Variants in GALNTL6 observed in about 807,000 individuals in gnomAD.
GALNTL6 encodes the protein polypeptide N-acetylgalactosaminyltransferase like 6.
A neutral mutation model predicts 73.7 loss-of-function variants in GALNTL6; 46 were observed. The ratio of observed to expected loss-of-function variants is 0.62; its 90% CI spans 0.49 to 0.80. The LOEUF (loss-of-function observed/expected upper bound fraction) is 0.80, where lower values mean the gene tolerates loss of function less well. Among genes scored for constraint, GALNTL6 ranks in the 30% least tolerant of loss-of-function variants. The pLI is 0.00. For missense variants in GALNTL6, 604 were observed against 755.0 expected, an observed-to-expected ratio of 0.80 and a Z score of 2.34; for synonymous variants, 259 against 263.7, an observed-to-expected ratio of 0.98 and a Z score of 0.17.
intron 5 of GALNTL6, among the ~76,000 whole-genome samples, chr4:172,708,285 T>C (rs1734487362): frequency 6.6e-6 from 1 of 152,194 alleles, no homozygotes; most frequent in South Asian, 2.1e-4. Context: ...CTCAAACCCC[T>C]GACCTCAAGT....
chr4:172,853,891 A>T (rs1248441169), intron 7 of GALNTL6, among the ~76,000 whole-genome samples: 1 of 152,148 alleles, frequency 6.6e-6, no homozygotes. Context: ...AGGAGAGAAG[A>T]TTCAATGACC....
chr4:172,904,271 C>T (rs368725882), intron 8 of GALNTL6, among the ~76,000 whole-genome samples: 6 of 152,246 alleles, frequency 3.9e-5, no homozygotes, highest in African/African-American at 1.4e-4. Flanking sequence ...GTAACATGGA[C>T]ATCATTCAAT....
intron 2 of GALNTL6, among the ~76,000 whole-genome samples, chr4:171,886,059 T>C (rs1050851745): frequency 2.6e-5 from 4 of 152,050 alleles, no homozygotes; most frequent in African/African-American, 9.7e-5. Flanking sequence ...CCATCTCTTT[T>C]TAACCACATA....
At chr4:172,750,304 A>G (rs930491178) in intron 5 of GALNTL6, among the ~76,000 whole-genome samples, 5 of 152,212 alleles carry the variant, frequency 3.3e-5, no homozygotes, top group African/African-American at 1.2e-4. Context: ...AATAATACTT[A>G]TTAAGTTTTG....
chr4:172,792,396 A>T (rs945280465), intron 5 of GALNTL6, among the ~76,000 whole-genome samples: 3 of 152,140 alleles, frequency 2.0e-5, no homozygotes, highest in Non-Finnish European at 2.9e-5. Context: ...GTATAATTCT[A>T]TAAGCCAAAA....
chr4:172,005,746 C>T (rs1339674627), intron 2 of GALNTL6, among the ~76,000 whole-genome samples: 1 of 152,084 alleles, frequency 6.6e-6, no homozygotes, highest in East Asian at 1.9e-4. Flanking sequence ...GAATTTTAAA[C>T]TGTGGGATTA....
At chr4:172,231,804 A>G (rs1273770169) in intron 3 of GALNTL6, among the ~76,000 whole-genome samples, 1 of 152,128 alleles carries the variant, frequency 6.6e-6, no homozygotes, top group African/African-American at 2.4e-5. Flanking sequence ...CTTTGCTTGT[A>G]CAAATGAGTT....
intron 5 of GALNTL6, among the ~76,000 whole-genome samples, chr4:172,536,606 G>C (rs895566884): frequency 1.3e-5 from 2 of 152,140 alleles, no homozygotes; most frequent in Non-Finnish European, 2.9e-5. Flanking sequence ...ATGATTTAGG[G>C]TATCTGGCAG....
intron 5 of GALNTL6, among the ~76,000 whole-genome samples, chr4:172,755,208 CATAAG>C (rs1376240423): frequency 1.4e-5 from 2 of 142,814 alleles, no homozygotes; most frequent in South Asian, 2.2e-4. Context: ...ACTTAGAAGC[CATAAG>C]ATAAGAGATA....
At chr4:172,993,486 C>A (rs1751631605) in intron 10 of GALNTL6, among the ~76,000 whole-genome samples, 1 of 152,232 alleles carries the variant, frequency 6.6e-6, no homozygotes, top group Non-Finnish European at 1.5e-5. Context: ...AGGCAAGCTT[C>A]TCCTGAAGAA....
chr4:172,657,139 C>T (rs1225285220), intron 5 of GALNTL6, among the ~76,000 whole-genome samples: 1 of 152,188 alleles, frequency 6.6e-6, no homozygotes, highest in African/African-American at 2.4e-5. Flanking sequence ...GGCCACTGAG[C>T]TCTGCTAGTA....
chr4:172,818,495 T>C (rs1008943433), intron 7 of GALNTL6, among the ~76,000 whole-genome samples: 1 of 152,188 alleles, frequency 6.6e-6, no homozygotes, highest in African/African-American at 2.4e-5. Flanking sequence ...CCTAGACTTA[T>C]TAGTGAGAAC....
chr4:171,948,276 G>A (rs989348118), intron 2 of GALNTL6, among the ~76,000 whole-genome samples: 8 of 152,158 alleles, frequency 5.3e-5, no homozygotes, highest in African/African-American at 1.9e-4. Flanking sequence ...TGCGGTACCT[G>A]TCATAAGACT....
At chr4:172,616,193 A>T (rs1485378525) in intron 5 of GALNTL6, among the ~76,000 whole-genome samples, 1 of 152,214 alleles carries the variant, frequency 6.6e-6, no homozygotes, top group Non-Finnish European at 1.5e-5. Flanking sequence ...TTGAAAAGTT[A>T]ACATTTCAAA....
intron 5 of GALNTL6, among the ~76,000 whole-genome samples, chr4:172,734,270 A>G (rs1736320881): frequency 6.6e-6 from 1 of 152,222 alleles, no homozygotes; most frequent in Non-Finnish European, 1.5e-5. Flanking sequence ...AGTAGAAAAG[A>G]AAAACCCATT....
chr4:172,096,084 C>CGGTGTGTG (rs1553992000), intron 2 of GALNTL6, among the ~76,000 whole-genome samples: 365 of 147,188 alleles, frequency 2.5e-3, no homozygotes, highest in South Asian at 7.8e-3. Context: ...CTCTCTCTTT[C>CGGTGTGTG]TGTGTGTGTG....
At chr4:172,452,104 C>T (rs1209846415) in intron 5 of GALNTL6, among the ~76,000 whole-genome samples, 2 of 152,060 alleles carry the variant, frequency 1.3e-5, no homozygotes, top group African/African-American at 2.4e-5. Flanking sequence ...CAGAATGAAA[C>T]CTGCAAACGA....
At chr4:172,266,315 GTTC>G (rs1244531696) in intron 3 of GALNTL6, 1 of 152,058 alleles carries the variant, frequency 6.6e-6, no homozygotes, top group East Asian at 1.9e-4. Flanking sequence ...TAGCTTGTTT[GTTC>G]TTTACAAAGC....
chr4:172,876,325 C>G (rs1259951987), intron 7 of GALNTL6, among the ~76,000 whole-genome samples: 1 of 152,130 alleles, frequency 6.6e-6, no homozygotes, highest in Admixed American at 6.6e-5. Context: ...TCATCTTATC[C>G]AAAAAGCTGA....
Sources: gnomAD v4.1 joint callset for allele counts (sites outside exome capture counted in the v4.1 genomes callset) on GRCh38, gnomAD v4.1.1 for gene constraint, MANE v1.5 for transcripts, NCBI Gene and HGNC (gene_info 2026-07-23, HGNC 2026-07-21) for gene names.